The following MAST4 variants were observed in gnomAD, a reference collection of about 807,000 sequenced individuals.
The protein encoded by MAST4 is microtubule-associated serine/threonine-protein kinase 4.
A neutral mutation model predicts 162.7 loss-of-function variants in MAST4; 89 were observed. The ratio of observed to expected loss-of-function variants is 0.55; its 90% CI spans 0.46 to 0.65. The LOEUF (loss-of-function observed/expected upper bound fraction) is 0.65. Among genes scored for constraint, MAST4 ranks in the 30% least tolerant of loss-of-function variants. The probability of loss-of-function intolerance (pLI) is 0.00; values close to 1 mark genes in which losing one functional copy is unlikely to be tolerated. For synonymous variants in MAST4, 1,479 were observed against 1,361.1 expected (o/e 1.09, Z -1.91); for missense variants, 3,153 against 3,374.0 (o/e 0.93, Z 1.62).
At chr5:66,722,572 G>C (rs1397980054) in intron 1 of MAST4, among the ~76,000 whole-genome samples, 3 of 151,788 alleles carry the variant, frequency 2.0e-5, no homozygotes, top group Non-Finnish European at 4.4e-5. Context: ...CTGTGTCTCT[G>C]TTTTTCACTA....
chr5:67,010,987 C>T (rs889968314), intron 4 of MAST4, among the ~76,000 whole-genome samples: 3 of 152,160 alleles, frequency 2.0e-5, no homozygotes, highest in Non-Finnish European at 4.4e-5. Flanking sequence ...CGTCAGCCCT[C>T]CTCCCTGAAT....
chr5:66,824,664 A>G (rs1275859782), intron 3 of MAST4, among the ~76,000 whole-genome samples: 1 of 152,224 alleles, frequency 6.6e-6, no homozygotes, highest in African/African-American at 2.4e-5. Flanking sequence ...CTTAACAAGG[A>G]CATGTTCTGA....
chr5:67,012,407 C>T (rs1032299988), intron 4 of MAST4, among the ~76,000 whole-genome samples: 1 of 152,178 alleles, frequency 6.6e-6, no homozygotes, highest in Non-Finnish European at 1.5e-5. Flanking sequence ...GCCTCACCCT[C>T]CATACACACC....
intron 1 of MAST4, among the ~76,000 whole-genome samples, chr5:66,759,323 TACACACACATACAC>T (rs1195363975): frequency 6.6e-6 from 1 of 152,240 alleles, no homozygotes; most frequent in African/African-American, 2.4e-5. Context: ...TGACCTAGGA[TACACACACATACAC>T]GTATAACTGA....
At chr5:66,832,095 T>G (rs1561363150) in intron 3 of MAST4, among the ~76,000 whole-genome samples, 1 of 152,080 alleles carries the variant, frequency 6.6e-6, no homozygotes. Flanking sequence ...AAGGCAGGCA[T>G]GACTTACTAA....
At chr5:66,911,965 T>A (rs548453192) in intron 4 of MAST4, among the ~76,000 whole-genome samples, 16 of 152,326 alleles carry the variant, frequency 1.1e-4, no homozygotes, top group African/African-American at 3.8e-4. Flanking sequence ...AGTGCCTAAC[T>A]CTTCCTAAAC....
chr5:66,996,333 T>A (rs1322604348), intron 4 of MAST4, among the ~76,000 whole-genome samples: 1 of 152,154 alleles, frequency 6.6e-6, no homozygotes, highest in African/African-American at 2.4e-5. Flanking sequence ...TATTCGTATA[T>A]AACCATATAT....
rs567086828 is a variant in MAST4 at position 66,833,300 on chromosome 5, C to T, written c.642+44506C>T. On this transcript the variant is annotated intron_variant, in intron 3 of 28. Transcript: ENST00000403625. Reference sequence around the variant, plus strand: ...ATCTCTTGACTCCTGTCACCAAACCCTGTCAATTCTACCATCAAAGTATGT... The same window carrying T: ...ATCTCTTGACTCCTGTCACCAAACCTTGTCAATTCTACCATCAAAGTATGT... Among the ~76,000 whole-genome samples the T allele has an allele frequency of 1.5e-4, 23 of 152,310 alleles. 1 individual carries two copies. Among genetic ancestry groups the T allele is most frequent in the African/African-American group, 5.3e-4 (22 of 41,574 alleles).
chr5:66,702,384 G>C (rs191052334), intron 1 of MAST4, among the ~76,000 whole-genome samples: 1 of 152,324 alleles, frequency 6.6e-6, no homozygotes, highest in Admixed American at 6.5e-5. Flanking sequence ...TAGAGGGAAT[G>C]TGGTGATGGG....
At chr5:67,155,836 G>T (rs1385347696) in intron 26 of MAST4, among the ~76,000 whole-genome samples, 1 of 152,052 alleles carries the variant, frequency 6.6e-6, no homozygotes, top group Non-Finnish European at 1.5e-5. Context: ...CCGAGGTGGG[G>T]CGATCACGAG....
chr5:66,949,081 T>C (rs1394599897), intron 4 of MAST4, among the ~76,000 whole-genome samples: 1 of 152,150 alleles, frequency 6.6e-6, no homozygotes, highest in African/African-American at 2.4e-5. Flanking sequence ...GACAAAAATA[T>C]TAAATTAATG....
intron 4 of MAST4, among the ~76,000 whole-genome samples, chr5:66,948,082 A>G (rs1476155378): frequency 1.3e-5 from 2 of 152,290 alleles, no homozygotes; most frequent in East Asian, 3.9e-4. Flanking sequence ...CATACCCTGC[A>G]TATAAAGAAG....
At chr5:67,084,693 A>T (rs1763052366) in intron 5 of MAST4, among the ~76,000 whole-genome samples, 1 of 152,072 alleles carries the variant, frequency 6.6e-6, no homozygotes, top group Admixed American at 6.6e-5. Context: ...GTTATACTCC[A>T]TTTAGTTTTA....
intron 5 of MAST4, among the ~76,000 whole-genome samples, chr5:67,061,872 A>G (rs549475878): frequency 3.3e-5 from 5 of 151,978 alleles, no homozygotes; most frequent in African/African-American, 9.6e-5. Flanking sequence ...TGGTGAGCCT[A>G]CAAAGGAAGG....
intron 3 of MAST4, among the ~76,000 whole-genome samples, chr5:66,860,770 CA>C (rs34973337): frequency 0.64 from 82,767 of 129,058 alleles, 24,601 homozygotes; most frequent in South Asian, 0.74. Flanking sequence ...AAAACAAAAC[CA>C]AAAAAAAAAA....
At chr5:66,830,524 G>A (rs559389972) in intron 3 of MAST4, among the ~76,000 whole-genome samples, 5 of 152,210 alleles carry the variant, frequency 3.3e-5, no homozygotes, top group South Asian at 2.1e-4. Context: ...TACACCTGCC[G>A]TCCTCTGTAT....
intron 3 of MAST4, among the ~76,000 whole-genome samples, chr5:66,867,727 A>G (rs1760633664): frequency 6.6e-6 from 1 of 152,250 alleles, no homozygotes; most frequent in Non-Finnish European, 1.5e-5. Flanking sequence ...AATGGTGAGG[A>G]ATCCACCTCT....
chr5:66,996,304 TG>T (rs1269465585), intron 4 of MAST4, among the ~76,000 whole-genome samples: 1 of 151,998 alleles, frequency 6.6e-6, no homozygotes, highest in Admixed American at 6.6e-5. Context: ...ATATATACTT[TG>T]TTGATTTCCA....
At chr5:66,774,714 A>G (rs2149645326) in intron 2 of MAST4, among the ~76,000 whole-genome samples, 1 of 152,376 alleles carries the variant, frequency 6.6e-6, no homozygotes, top group East Asian at 1.9e-4. Context: ...TGATTGCCAG[A>G]TAAAATATGG....
Sources: gnomAD v4.1 joint callset for allele counts (sites outside exome capture counted in the v4.1 genomes callset) on GRCh38, gnomAD v4.1.1 for gene constraint, MANE v1.5 for transcripts, NCBI Gene and HGNC (gene_info 2026-07-23, HGNC 2026-07-21) for gene names.